The following GPM6B variants were observed in gnomAD, a reference collection of about 807,000 sequenced individuals.
The protein encoded by GPM6B is glycoprotein M6B.
GPM6B carries 4 observed loss-of-function variants against 27.2 expected under a neutral mutation model. The observed-to-expected ratio is 0.15, with a 90% confidence interval of 0.07 to 0.34. The LOEUF (loss-of-function observed/expected upper bound fraction) is 0.34, where lower values mean the gene tolerates loss of function less well. Ranked by LOEUF, GPM6B falls within the 10% of genes least tolerant of loss-of-function variation. The pLI, the probability that GPM6B is intolerant of heterozygous loss-of-function variation, is 1.00. For missense variants in GPM6B, 183 were observed against 261.9 expected (o/e 0.70, Z 2.08); for synonymous variants, 124 against 103.1 (o/e 1.20, Z -1.23).
rs892033750 is a variant in GPM6B, at chrX:13,780,370, T to G, written c.526-381A>C. On this transcript the variant is annotated intron_variant, in intron 4 of 7. Transcript: ENST00000316715. Reference sequence around the variant, plus strand: ...GTTCTGAAAATGCAGAACATGCTACTTAACATGGGATAGATTCTGGATGTA... The same window carrying G: ...GTTCTGAAAATGCAGAACATGCTACGTAACATGGGATAGATTCTGGATGTA... Among the ~76,000 whole-genome samples, 3 of 111,955 alleles carry G rather than the reference T, an allele frequency of 2.7e-5. No homozygotes were observed. The Admixed American group carries it at 2.8e-4, about 11-fold the overall frequency.
At chrX:13,913,288 C>G (rs983138646) in intron 1 of GPM6B, among the ~76,000 whole-genome samples, 10 of 105,886 alleles carry the variant, frequency 9.4e-5, no homozygotes, top group Non-Finnish European at 5.8e-5. Flanking sequence ...CAGCTGGGAC[C>G]ACAGGCATGC....
chrX:13,870,601 A>G (rs1329705765), intron 1 of GPM6B, among the ~76,000 whole-genome samples: 1 of 112,464 alleles, frequency 8.9e-6, no homozygotes, highest in Non-Finnish European at 1.9e-5. Context: ...GGGTTATATG[A>G]ACACAGAAAA....
chrX:13,884,049 C>T (rs1439712907), intron 1 of GPM6B, among the ~76,000 whole-genome samples: 7 of 110,501 alleles, frequency 6.3e-5, no homozygotes, highest in East Asian at 5.7e-4. Context: ...TGGTGGCACA[C>T]GCCTGTAATC....
intron 2 of GPM6B, among the ~76,000 whole-genome samples, chrX:13,804,645 G>A (rs2048989315): frequency 9.0e-6 from 1 of 110,857 alleles, no homozygotes; most frequent in Non-Finnish European, 1.9e-5. Flanking sequence ...CCTTTCCAAT[G>A]GGGAATAAGG....
At chrX:13,892,079 G>A (rs1297071743) in intron 1 of GPM6B, among the ~76,000 whole-genome samples, 1 of 111,561 alleles carries the variant, frequency 9.0e-6, no homozygotes, top group Non-Finnish European at 1.9e-5. Context: ...TACCTAAGAA[G>A]CATTTCATTT....
intron 2 of GPM6B, among the ~76,000 whole-genome samples, chrX:13,800,895 G>C (rs928919598): frequency 9.1e-6 from 1 of 109,897 alleles, no homozygotes; most frequent in Non-Finnish European, 1.9e-5. Flanking sequence ...GGCTGAACTT[G>C]AACTTCTGGG....
At chrX:13,851,576 A>G (rs2049718568) in intron 1 of GPM6B, among the ~76,000 whole-genome samples, 1 of 110,037 alleles carries the variant, frequency 9.1e-6, no homozygotes, top group South Asian at 4.0e-4. Flanking sequence ...ATCACCAGAC[A>G]TCTCAAAGAA....
In GPM6B at chrX:13,931,344, C is replaced by T. The variant is rs2028064; in HGVS notation, c.-198+6983G>A. ...TCTACTAAAAATACAAAAAATTAGC[C>T]GGGCATGGTGGTGGGCGCCTGTAGT... is the stretch of plus-strand genomic sequence containing the variant. On this transcript the variant is annotated intron_variant, in intron 1 of 6. Coordinates refer to the GPM6B transcript ENST00000398361. 1.0e-4 allele frequency among the ~76,000 whole-genome samples: 11 copies of T among 107,913 alleles called. 1 individual carries two copies. Among genetic ancestry groups the T allele is most frequent in the African/African-American group, 2.0e-4 (6 of 29,568 alleles). The allele number at this position is 107,913 out of a possible 115,157, so 93.7% of individuals were successfully genotyped here. A position where few individuals can be genotyped will look rare whatever the true frequency, so the allele number is the denominator to read the frequency against.
At chrX:13,868,066 G>A (rs969692993) in intron 1 of GPM6B, among the ~76,000 whole-genome samples, 8 of 111,584 alleles carry the variant, frequency 7.2e-5, no homozygotes, top group Non-Finnish European at 1.3e-4. Flanking sequence ...GCCTCTTTCT[G>A]AACTCTTAGA....
At chrX:13,855,837 C>T (rs1410184340) in intron 1 of GPM6B, among the ~76,000 whole-genome samples, 5 of 111,772 alleles carry the variant, frequency 4.5e-5, no homozygotes, top group Non-Finnish European at 9.4e-5. Context: ...GCACAGCCTC[C>T]ACTGCGGTGG....
intron 1 of GPM6B, among the ~76,000 whole-genome samples, chrX:13,901,437 T>TA (rs35083510): frequency 2.9e-5 from 3 of 104,320 alleles, no homozygotes; most frequent in Non-Finnish European, 3.9e-5. Context: ...TTTTTTTTTT[T>TA]AAAAAAAAAG....
intron 1 of GPM6B, among the ~76,000 whole-genome samples, chrX:13,815,928 T>C (rs2049226352): frequency 8.9e-6 from 1 of 111,803 alleles, no homozygotes. Flanking sequence ...TGATGGCTTT[T>C]TATATTAGAG....
At position 13,799,190 on chromosome X, in the gene GPM6B, A is replaced by ATTTTTTTTTTT. The variant is rs763194245; in HGVS notation, c.181+8449_181+8459dup. Among the ~76,000 whole-genome samples, 9 of 35,957 alleles carry ATTTTTTTTTTT rather than the reference A, an allele frequency of 2.5e-4. 1 individual carries two copies. Among genetic ancestry groups the ATTTTTTTTTTT allele is most frequent in the South Asian group, 2.3e-3 (1 of 437 alleles). The allele number at this position is 35,957 out of a possible 115,157, so 31.2% of individuals were successfully genotyped here. A position where few individuals can be genotyped will look rare whatever the true frequency, so the allele number is the denominator to read the frequency against. Reference sequence around the variant, plus strand: ...CTAGAAACCTCGATTAGCCAACCTAATTTTTTTTTTTTTTTTTTTTTTTTT... The same window carrying ATTTTTTTTTTT: ...CTAGAAACCTCGATTAGCCAACCTAATTTTTTTTTTTTTTTTTTTTTTTTTTTTTTTTTTTT... On this transcript the variant is annotated intron_variant, in intron 2 of 7. Transcript: ENST00000316715.
intron 1 of GPM6B, among the ~76,000 whole-genome samples, chrX:13,860,078 G>A (rs1281751880): frequency 8.9e-6 from 1 of 112,228 alleles, no homozygotes; most frequent in Non-Finnish European, 1.9e-5. Context: ...ATCACTTGGT[G>A]CTAACATGCA....
intron 1 of GPM6B, among the ~76,000 whole-genome samples, chrX:13,824,652 T>C: frequency 9.0e-6 from 1 of 111,676 alleles, no homozygotes; most frequent in South Asian, 3.8e-4. Flanking sequence ...GGGGACTGCA[T>C]ACTCACCTGA....
upstream of GPM6B, among the ~76,000 whole-genome samples, chrX:13,822,261 TTTTA>T (rs199908386): frequency 0.012 from 1,301 of 112,279 alleles, 64 homozygotes; most frequent in Admixed American, 0.12. Flanking sequence ...CCTCAACAAA[TTTTA>T]TTTCTTTTTC....
chrX:13,777,746 C>T (rs1344439747), intron 5 of GPM6B, among the ~76,000 whole-genome samples: 1 of 112,095 alleles, frequency 8.9e-6, no homozygotes, highest in Admixed American at 9.4e-5. Flanking sequence ...CCAGGCTTTC[C>T]CTATAGTTAC....
At chrX:13,819,410 G>A (rs1487799973), upstream of GPM6B, among the ~76,000 whole-genome samples, 2 of 112,263 alleles carry the variant, frequency 1.8e-5, no homozygotes, top group Non-Finnish European at 3.8e-5. Context: ...ATATGTAGAA[G>A]TAGGATGGAA....
rs779192018 is a variant in GPM6B at position 13,876,778 on chromosome X, C to A, written c.-198+61549G>T. Among the ~76,000 whole-genome samples the A allele has an allele frequency of 2.8e-5, 3 of 108,299 alleles. No homozygotes were observed. The South Asian group carries it at 1.3e-3, about 47-fold the overall frequency. The allele number at this position is 108,299 out of a possible 115,157, so 94.0% of individuals were successfully genotyped here. ...AATGGCTGTTCTCGGTGGAACCCAG[C>A]CTCCATTATAAAGTGCTGTATGTCC... On this transcript the variant is annotated intron_variant, in intron 1 of 6. Coordinates refer to the GPM6B transcript ENST00000398361.
Sources: allele counts gnomAD v4.1 joint callset (sites outside exome capture counted in the v4.1 genomes callset), GRCh38; gene constraint gnomAD v4.1.1; transcripts MANE v1.5; gene names NCBI Gene and HGNC (gene_info 2026-07-23, HGNC 2026-07-21).